The following EFHC2 variants were observed in gnomAD, a reference collection of about 807,000 sequenced individuals.
EFHC2 encodes the protein EF-hand domain containing 2, also known as EF-hand domain-containing family member C2.
EFHC2 carries 18 observed loss-of-function variants against 52.7 expected under a neutral mutation model. That is an observed-to-expected ratio of 0.34 (90% CI 0.24 to 0.51). EFHC2 has a LOEUF of 0.51. EFHC2 is among the 20% of genes least tolerant of loss of function. The probability of loss-of-function intolerance (pLI) is 0.97; values close to 1 mark genes in which losing one functional copy is unlikely to be tolerated. For missense variants in EFHC2, 513 were observed against 562.5 expected, an observed-to-expected ratio of 0.91 and a Z score of 0.89; for synonymous variants, 203 against 204.1, an observed-to-expected ratio of 0.99 and a Z score of 0.04.
Position 44,298,552 on chromosome X carries a change from G to A in EFHC2, c.231+14016C>T, listed in dbSNP as rs553845506. On this transcript the variant is annotated intron_variant, in intron 2 of 14. Coordinates refer to ENST00000420999, the MANE Select transcript of EFHC2 (RefSeq NM_025184.4). ...ATGCATACATTTGTCACAACTAATG[G>A]AATTGTATACTTAAAATAGGCTCAT... Among the ~76,000 whole-genome samples, 40 of 111,320 alleles carry A rather than the reference G, an allele frequency of 3.6e-4. 1 individual carries two copies. Among genetic ancestry groups the A allele is most frequent in the African/African-American group, 1.3e-3 (40 of 30,601 alleles).
intron 11 of EFHC2, among the ~76,000 whole-genome samples, chrX:44,184,502 C>T (rs1178310789): frequency 1.8e-5 from 2 of 111,364 alleles, no homozygotes; most frequent in African/African-American, 6.5e-5. Flanking sequence ...GCCGGCAGAT[C>T]ACCTGAGGTC....
At chrX:44,232,437 G>A (rs185264618) in intron 10 of EFHC2, 44 bp downstream of exon 10, 90 of 974,425 alleles carry the variant, frequency 9.2e-5, no homozygotes, top group Admixed American at 1.8e-4. Flanking sequence ...CACAGACTGC[G>A]GAGGGCTGAG....
intron 11 of EFHC2, among the ~76,000 whole-genome samples, chrX:44,223,769 A>G (rs1269977912): frequency 8.9e-6 from 1 of 112,414 alleles, no homozygotes; most frequent in Non-Finnish European, 1.9e-5. Flanking sequence ...TATTTAGTTC[A>G]TGATAAGAAC....
intron 2 of EFHC2, among the ~76,000 whole-genome samples, chrX:44,300,092 T>C (rs978535326): frequency 1.8e-5 from 2 of 109,093 alleles, no homozygotes; most frequent in Admixed American, 9.9e-5. Flanking sequence ...ATTTTTTTTT[T>C]AATATTTCAA....
rs138327848 is a variant in EFHC2, at chrX:44,269,602, G to A, written c.382+3084C>T. 9.1e-3 allele frequency among the ~76,000 whole-genome samples: 1,009 copies of A among 110,687 alleles called. 16 individuals are homozygous for A. The highest frequency in any genetic ancestry group is 0.032 in the African/African-American group (964 of 30,432). ...TCCCCTCCTTTCTCTCTTGCTCCCC[G>A]TCTTGCCATGTGACACGCCTGCTCT... is the stretch of plus-strand genomic sequence containing the variant. On this transcript the variant is annotated intron_variant, in intron 3 of 14. Transcript: ENST00000420999.
At chrX:44,201,238 C>T (rs1470974312) in intron 11 of EFHC2, among the ~76,000 whole-genome samples, 1 of 111,127 alleles carries the variant, frequency 9.0e-6, no homozygotes, top group Non-Finnish European at 1.9e-5. Context: ...ACTAAATACA[C>T]CACAGCTAAA....
intron 3 of EFHC2, among the ~76,000 whole-genome samples, chrX:44,270,019 T>C (rs1263316977): frequency 1.8e-5 from 2 of 111,747 alleles, no homozygotes; most frequent in African/African-American, 3.3e-5. Flanking sequence ...CCTACCATCA[T>C]TGTCCTGGTT....
chrX:44,218,927 C>T (rs752584971), intron 11 of EFHC2, among the ~76,000 whole-genome samples: 4 of 111,008 alleles, frequency 3.6e-5, no homozygotes, highest in East Asian at 2.8e-4. Flanking sequence ...AGCCCCAAAT[C>T]GAAAACAACC....
At chrX:44,163,540 C>T (rs768744701) in intron 14 of EFHC2, among the ~76,000 whole-genome samples, 2 of 112,035 alleles carry the variant, frequency 1.8e-5, no homozygotes, top group South Asian at 7.5e-4. Context: ...CCGCGGATAC[C>T]CGGATACCCT....
intron 11 of EFHC2, among the ~76,000 whole-genome samples, chrX:44,211,866 CAAAA>C (rs1164155147): frequency 4.0e-5 from 2 of 50,442 alleles, no homozygotes; most frequent in Admixed American, 3.1e-4. Flanking sequence ...GACTCCCTCT[CAAAA>C]AAAAAAAAAA....
intron 13 of EFHC2, among the ~76,000 whole-genome samples, chrX:44,175,437 G>C (rs887088271): frequency 1.8e-5 from 2 of 111,493 alleles, no homozygotes; most frequent in Non-Finnish European, 3.8e-5. Context: ...GCTATTTGTA[G>C]ACAGTAACTC....
intron 2 of EFHC2, among the ~76,000 whole-genome samples, chrX:44,288,194 A>C (rs2037766858): frequency 9.0e-6 from 1 of 110,902 alleles, no homozygotes; most frequent in Non-Finnish European, 1.9e-5. Flanking sequence ...TTTGGTAGAA[A>C]TGTGATCATC....
rs2036534865 is a variant in EFHC2 at position 44,148,059 on chromosome X, C to T, written c.*736G>A. On this transcript the variant is annotated 3_prime_UTR_variant, in exon 15 of 15. Coordinates refer to ENST00000420999, the MANE Select transcript of EFHC2 (RefSeq NM_025184.4). Reference sequence around the variant, plus strand: ...AACAAACCAAAAAAAAAACAAAAATCTCAAAATCTTCAGCTTTCACATTTG... The same window carrying T: ...AACAAACCAAAAAAAAAACAAAAATTTCAAAATCTTCAGCTTTCACATTTG... 9.1e-6 allele frequency: 1 copy of T among 110,429 alleles called. No individual in the cohort carries two copies. The highest frequency in any genetic ancestry group is 1.9e-5 in the Non-Finnish European group (1 of 52,816). 9.1% of individuals were successfully genotyped at this position (110,429 alleles called of 1,213,427 possible).
intron 10 of EFHC2, among the ~76,000 whole-genome samples, chrX:44,231,765 T>G (rs1440271255): frequency 8.9e-6 from 1 of 112,164 alleles, no homozygotes; most frequent in Non-Finnish European, 1.9e-5. Context: ...GGTAAACTTT[T>G]AAAATAAAAT....
At chrX:44,255,945 A>AGG (rs1370212857) in intron 4 of EFHC2, among the ~76,000 whole-genome samples, 3 of 112,200 alleles carry the variant, frequency 2.7e-5, no homozygotes, top group African/African-American at 9.7e-5. Context: ...CAGAGCAATC[A>AGG]ACTTAGAACT....
intron 11 of EFHC2, among the ~76,000 whole-genome samples, chrX:44,215,017 A>G (rs937561460): frequency 9.0e-6 from 1 of 111,110 alleles, no homozygotes; most frequent in Non-Finnish European, 1.9e-5. Flanking sequence ...ATGGGGGCAG[A>G]TTTCCCTCAT....
chrX:44,325,122 A>T (rs1203125475), intron 1 of EFHC2, among the ~76,000 whole-genome samples: 1 of 111,629 alleles, frequency 9.0e-6, no homozygotes, highest in Non-Finnish European at 1.9e-5. Context: ...TGAAATTTCA[A>T]TTCAGAATTC....
intron 11 of EFHC2, among the ~76,000 whole-genome samples, chrX:44,196,918 T>TA (rs2036970075): frequency 8.9e-6 from 1 of 112,293 alleles, no homozygotes. Context: ...TTCTAAATCA[T>TA]AACTCATGAT....
At chrX:44,236,801 T>A (rs2037323758) in intron 8 of EFHC2, among the ~76,000 whole-genome samples, 1 of 111,447 alleles carries the variant, frequency 9.0e-6, no homozygotes, top group Admixed American at 9.5e-5. Context: ...TTGTCAACCA[T>A]CTTCTCTGGT....
Sources: allele counts gnomAD v4.1 joint callset (sites outside exome capture counted in the v4.1 genomes callset), GRCh38; gene constraint gnomAD v4.1.1; transcripts MANE v1.5; gene names NCBI Gene and HGNC (gene_info 2026-07-23, HGNC 2026-07-21).